The following DDX10 variants were observed in gnomAD, a reference collection of about 807,000 sequenced individuals.
The protein encoded by DDX10 is probable ATP-dependent RNA helicase DDX10.
DDX10 carries 74 observed loss-of-function variants against 104.3 expected under a neutral mutation model. The observed-to-expected ratio is 0.71, with a 90% CI of 0.59 to 0.86. DDX10 has a LOEUF of 0.86. Among genes scored for constraint, DDX10 ranks in the 40% least tolerant of loss-of-function variants. DDX10 has a pLI of 0.00. For synonymous variants in DDX10, 351 were observed against 353.4 expected (o/e 0.99, Z 0.08); for missense variants, 952 against 1,040.0 (o/e 0.92, Z 1.16).
At chr11:108,729,811 GCA>G (rs1427676739) in intron 13 of DDX10, 1 of 152,052 alleles carries the variant, frequency 6.6e-6, no homozygotes, top group African/African-American at 2.4e-5. Context: ...ACAACACAAT[GCA>G]CGTCGTTAAT....
intron 10 of DDX10, among the ~76,000 whole-genome samples, chr11:108,713,879 G>A (rs533361490): frequency 1.6e-3 from 239 of 152,140 alleles, no homozygotes; most frequent in African/African-American, 5.2e-3. Flanking sequence ...CTATGCCTCC[G>A]GACTGTGAAC....
chr11:108,710,366 A>G (rs563377955), intron 10 of DDX10, among the ~76,000 whole-genome samples: 10 of 152,242 alleles, frequency 6.6e-5, no homozygotes, highest in African/African-American at 1.4e-4. Context: ...TAAAACCCAC[A>G]TTATACAGCT....
At chr11:108,814,431 A>G (rs1158036811) in intron 13 of DDX10, among the ~76,000 whole-genome samples, 1 of 152,214 alleles carries the variant, frequency 6.6e-6, no homozygotes, top group African/African-American at 2.4e-5. Context: ...TTACAACGTA[A>G]TAAGCCCCAG....
In DDX10 at chr11:108,675,616, C is replaced by T. The variant is rs201254153; in HGVS notation, c.268C>T (p.Arg90Cys). 55 of 1,613,866 alleles carry T rather than the reference C, an allele frequency of 3.4e-5. 1 individual carries two copies. The East Asian group carries it at 7.4e-4, about 22-fold the overall frequency. The change falls in exon 3 of 18, where the codon CGT (arginine) becomes TGT (cysteine). Residue 90 changes from arginine to cysteine, a missense_variant. Coordinates refer to ENST00000322536, the MANE Select transcript of DDX10 (RefSeq NM_004398.4). ...TLKGLQEAQY[R>C]LVTEIQKQTI... is the part of the protein sequence containing the mutation. The stretch of plus-strand genomic sequence containing the variant: ...GCCAGGTTTGCAAGAAGCTCAGTAC[C>T]GTTTGGTGACTGAGATACAGAAGCA...
Position 108,841,802 on chromosome 11 carries a change from C to T in DDX10, c.2247+326C>T, listed in dbSNP as rs147272382. ...AGTTGATAGAGATATCCCAAGCTCTCCATTTCAATAATTTTGTCATTACTG... is the reference window on the plus strand; with the variant it reads ...AGTTGATAGAGATATCCCAAGCTCTTCATTTCAATAATTTTGTCATTACTG... On this transcript the variant is annotated intron_variant, in intron 15 of 17. Transcript: ENST00000322536. Among the ~76,000 whole-genome samples the T allele has an allele frequency of 2.6e-5, 4 of 152,214 alleles. No homozygotes were observed. In the East Asian group the frequency reaches 7.7e-4, roughly 29 times the overall value.
chr11:108,729,898 T>A (rs1470457918), intron 13 of DDX10: 1 of 152,506 alleles, frequency 6.6e-6, no homozygotes, highest in Non-Finnish European at 1.5e-5. Flanking sequence ...CCTTCCCAAC[T>A]ACTAGTAAGC....
intron 13 of DDX10, among the ~76,000 whole-genome samples, chr11:108,802,708 T>C (rs1392375211): frequency 1.3e-5 from 2 of 152,118 alleles, no homozygotes; most frequent in Non-Finnish European, 2.9e-5. Flanking sequence ...AAAAGACAGG[T>C]GTGTACTCTT....
intron 13 of DDX10, among the ~76,000 whole-genome samples, chr11:108,766,318 C>G (rs183358433): frequency 2.2e-4 from 34 of 152,248 alleles, no homozygotes; most frequent in Non-Finnish European, 4.0e-4. Context: ...AATGTCTTAC[C>G]TGTAACTTTG....
At chr11:108,735,795 A>C (rs1481941537) in intron 13 of DDX10, among the ~76,000 whole-genome samples, 1 of 151,872 alleles carries the variant, frequency 6.6e-6, no homozygotes, top group Non-Finnish European at 1.5e-5. Flanking sequence ...AGAGCTAGGC[A>C]CTCTAGGGGG....
chr11:108,855,438 T>C (rs2134608518), intron 16 of DDX10, among the ~76,000 whole-genome samples: 1 of 152,262 alleles, frequency 6.6e-6, no homozygotes, highest in South Asian at 2.1e-4. Flanking sequence ...GTGCTGCTTT[T>C]GAAAAGAAAG....
chr11:108,767,286 C>G (rs753535677), intron 13 of DDX10: 1 of 152,204 alleles, frequency 6.6e-6, no homozygotes, highest in Admixed American at 6.5e-5. Flanking sequence ...TAAGGAAATT[C>G]ATTTTCTCCA....
At chr11:108,748,202 G>A (rs1162002401) in intron 13 of DDX10, among the ~76,000 whole-genome samples, 1 of 152,188 alleles carries the variant, frequency 6.6e-6, no homozygotes, top group East Asian at 1.9e-4. Flanking sequence ...CCTACAGAAA[G>A]TATGCAGTCT....
chr11:108,721,669 T>G (rs969520063), intron 12 of DDX10, among the ~76,000 whole-genome samples: 2 of 152,228 alleles, frequency 1.3e-5, no homozygotes, highest in African/African-American at 4.8e-5. Flanking sequence ...CTATGTTGTT[T>G]CCTTGAGGTA....
chr11:108,912,103 A>G (rs1863688410), intron 16 of DDX10, among the ~76,000 whole-genome samples: 1 of 152,120 alleles, frequency 6.6e-6, no homozygotes, highest in Non-Finnish European at 1.5e-5. Context: ...CACATTTCTC[A>G]GAGTTCTGGA....
intron 13 of DDX10, among the ~76,000 whole-genome samples, chr11:108,778,313 C>A (rs1298730584): frequency 6.6e-6 from 1 of 152,176 alleles, no homozygotes; most frequent in African/African-American, 2.4e-5. Flanking sequence ...GCTACAGTAA[C>A]CAAAACAGCA....
intron 13 of DDX10, among the ~76,000 whole-genome samples, chr11:108,791,452 C>A (rs936525393): frequency 2.6e-5 from 4 of 152,184 alleles, no homozygotes; most frequent in Admixed American, 2.6e-4. Flanking sequence ...TTTTTAAAAT[C>A]AGTTTTAGTG....
chr11:108,715,373 C>T (rs113167216), intron 10 of DDX10, among the ~76,000 whole-genome samples: 3,438 of 152,222 alleles, frequency 0.023, 71 homozygotes, highest in Admixed American at 0.034. Context: ...AAACAACAGA[C>T]TAGCCGTGCA....
chr11:108,827,672 C>A (rs1000030797), intron 13 of DDX10, among the ~76,000 whole-genome samples: 1 of 152,074 alleles, frequency 6.6e-6, no homozygotes, highest in African/African-American at 2.4e-5. Flanking sequence ...GGCCTTTAAT[C>A]CTCCTTGTAT....
chr11:108,710,172 G>C (rs966637381), intron 10 of DDX10, among the ~76,000 whole-genome samples: 1 of 152,136 alleles, frequency 6.6e-6, no homozygotes, highest in Non-Finnish European at 1.5e-5. Flanking sequence ...AAGTTGCTCT[G>C]GGTGTCAGTG....
Sources: gnomAD v4.1 joint callset for allele counts (sites outside exome capture counted in the v4.1 genomes callset) on GRCh38, gnomAD v4.1.1 for gene constraint, MANE v1.5 for transcripts, NCBI Gene and HGNC (gene_info 2026-07-23, HGNC 2026-07-21) for gene names.